Variants in PCDHGA1 observed in about 807,000 individuals in gnomAD.
PCDHGA1 encodes protocadherin gamma subfamily A, 1.
A neutral mutation model predicts 58.0 loss-of-function variants in PCDHGA1; 32 were observed. The observed-to-expected ratio is 0.55, with a 90% CI of 0.42 to 0.74. The LOEUF is 0.74. Among genes scored for constraint, PCDHGA1 ranks in the 30% least tolerant of loss-of-function variants. The probability of loss-of-function intolerance (pLI) is 0.00; values close to 1 mark genes in which losing one functional copy is unlikely to be tolerated. For synonymous variants in PCDHGA1, 498 were observed against 501.1 expected, an observed-to-expected ratio of 0.99 and a Z score of 0.08; for missense variants, 1,205 against 1,182.3, an observed-to-expected ratio of 1.02 and a Z score of -0.28.
intron 1 of PCDHGA1, among the ~76,000 whole-genome samples, chr5:141,435,357 T>C (rs749223776): frequency 6.6e-6 from 1 of 152,208 alleles, no homozygotes; most frequent in Non-Finnish European, 1.5e-5. Flanking sequence ...CATTTAAAAT[T>C]TTATCACTTA....
intron 1 of PCDHGA1, chr5:141,428,099 C>T: frequency 6.8e-6 from 11 of 1,608,710 alleles, no homozygotes; most frequent in East Asian, 2.2e-5. Context: ...TGTCCTACCA[C>T]GTGCTGCAGG....
chr5:141,437,307 G>A (rs1172152732), intron 1 of PCDHGA1, among the ~76,000 whole-genome samples: 7 of 152,120 alleles, frequency 4.6e-5, no homozygotes, highest in South Asian at 2.1e-4. Context: ...AAGTTAAAGC[G>A]TTCAGCTATA....
chr5:141,410,579 G>A (rs760249748), intron 1 of PCDHGA1: 17 of 1,610,792 alleles, frequency 1.1e-5, no homozygotes, highest in Non-Finnish European at 1.4e-5. Context: ...TCCACCTCAT[G>A]GTGGGGAGGA....
intron 1 of PCDHGA1, among the ~76,000 whole-genome samples, chr5:141,464,747 G>A (rs969116049): frequency 2.0e-5 from 3 of 151,812 alleles, no homozygotes; most frequent in Admixed American, 2.0e-4. Context: ...ATATCTTTTT[G>A]TTTTTTTAGA....
chr5:141,433,208 C>CA, intron 1 of PCDHGA1: 1 of 1,293,080 alleles, frequency 7.7e-7, no homozygotes, highest in Non-Finnish European at 1.1e-6. Context: ...AATCTTCTTT[C>CA]TTTTTTTTTT....
At chr5:141,364,712 G>T in intron 1 of PCDHGA1, 1 of 1,613,952 alleles carries the variant, frequency 6.2e-7, no homozygotes, top group Middle Eastern at 1.6e-4. Flanking sequence ...CGATATTAAT[G>T]ATAACTTCCC....
At chr5:141,416,497 T>G (rs1426816820) in intron 1 of PCDHGA1, 3 of 152,116 alleles carry the variant, frequency 2.0e-5, no homozygotes, top group Non-Finnish European at 4.4e-5. Context: ...GAGCAAGAGA[T>G]ATATGACAAA....
At chr5:141,419,452 G>T (rs1590172506) in intron 1 of PCDHGA1, 1 of 1,612,754 alleles carries the variant, frequency 6.2e-7, no homozygotes, top group Non-Finnish European at 8.5e-7. Flanking sequence ...TCGAGCTCAC[G>T]CTGCAGGCCC....
Position 141,372,054 on chromosome 5 carries a change from G to T in PCDHGA1, c.2421+38949G>T, listed in dbSNP as rs377450479. On this transcript the variant is annotated intron_variant, in intron 1 of 3. Transcript: ENST00000517417. ...CGTGAGCCTGCGCGTGTTGGTGGAC[G>T]ACCGCAACGACAATGCACCGCTGGT... The T allele has an allele frequency of 7.4e-6, 12 of 1,613,396 alleles. No individual in the cohort carries two copies. In the African/African-American group the frequency reaches 8.0e-5, roughly 11 times the overall value.
rs755270981 is a variant in PCDHGA1, at chr5:141,408,462, AGAACC to A, written c.2421+75361_2421+75365del. On this transcript the variant is annotated intron_variant, in intron 1 of 3. Coordinates refer to ENST00000517417, the MANE Select transcript of PCDHGA1 (RefSeq NM_018912.3). Reference sequence around the variant, plus strand: ...GCGGAGAGCGGGGACTTACTTGTGAAGAACCGAATAGACCGTGAGCAAATATGCAA... The same window carrying A: ...GCGGAGAGCGGGGACTTACTTGTGAAGAATAGACCGTGAGCAAATATGCAA... 2.2e-5 allele frequency: 35 copies of A among 1,613,962 alleles called. No homozygotes were observed. The South Asian group carries it at 3.3e-4, about 15-fold the overall frequency.
chr5:141,376,590 G>T, intron 1 of PCDHGA1: 3 of 1,570,160 alleles, frequency 1.9e-6, no homozygotes, highest in Non-Finnish European at 1.7e-6. Flanking sequence ...CAGCTAGATC[G>T]GCTGTTATAG....
Position 141,432,632 on chromosome 5 carries a change from G to T in PCDHGA1, c.2422-62175G>T. ...CTTCTCGGTGGGTCTGCACACGGGCGAGGTGCGCACGGCGCGAGCCCTGCT... is the reference window on the plus strand; with the variant it reads ...CTTCTCGGTGGGTCTGCACACGGGCTAGGTGCGCACGGCGCGAGCCCTGCT... On this transcript the variant is annotated intron_variant, in intron 1 of 3. Transcript: ENST00000517417. This position sits in a 1 kb window ranked among gnomAD's most constrained non-coding sequence, Gnocchi z 6.0. The T allele has an allele frequency of 6.2e-7, 1 of 1,612,834 alleles. No homozygotes were observed. Among genetic ancestry groups the T allele is most frequent in the South Asian group, 1.1e-5 (1 of 90,976 alleles).
intron 1 of PCDHGA1, chr5:141,341,715 A>G: frequency 2.0e-6 from 1 of 488,372 alleles, no homozygotes; most frequent in South Asian, 3.7e-5. Flanking sequence ...TCATCCACCC[A>G]GATCAACAAT....
rs767577725 is a variant in PCDHGA1 at position 141,485,642 on chromosome 5, G to T, written c.2422-9165G>T. 4.3e-6 allele frequency: 7 copies of T among 1,612,162 alleles called. No homozygotes were observed. The highest frequency in any genetic ancestry group is 1.7e-5 in the Admixed American group (1 of 59,938). ...AGGACAGCGTTTCCCGTTGGAAAAGGCTCAGGATGCAGATGTGGGGAGCAA... is the reference window on the plus strand; with the variant it reads ...AGGACAGCGTTTCCCGTTGGAAAAGTCTCAGGATGCAGATGTGGGGAGCAA... On this transcript the variant is annotated intron_variant, in intron 1 of 3. Coordinates refer to ENST00000517417, the MANE Select transcript of PCDHGA1 (RefSeq NM_018912.3). This position sits in a 1 kb window ranked among gnomAD's most constrained non-coding sequence, Gnocchi z 5.7.
At chr5:141,393,792 C>A (rs757880855) in intron 1 of PCDHGA1, 1 of 1,613,908 alleles carries the variant, frequency 6.2e-7, no homozygotes, top group Non-Finnish European at 8.5e-7. Flanking sequence ...TGTGGGGGCA[C>A]TTCTGGGGAG....
rs572603287 is a variant in PCDHGA1 at position 141,477,037 on chromosome 5, G to T, written c.2422-17770G>T. 19 of 1,614,266 alleles carry T rather than the reference G, an allele frequency of 1.2e-5. No homozygotes were observed. In the East Asian group the frequency reaches 3.8e-4, roughly 32 times the overall value. Reference sequence around the variant, plus strand: ...TTGTAACCGGGATGCTGACAATCAAGGGTCGGCTGGACTTCGAGGACACCA... The same window carrying T: ...TTGTAACCGGGATGCTGACAATCAATGGTCGGCTGGACTTCGAGGACACCA... On this transcript the variant is annotated intron_variant, in intron 1 of 3. Transcript: ENST00000517417. The surrounding 1 kb of genome is among the most constrained non-coding windows in gnomAD (Gnocchi z 4.9).
At chr5:141,374,646 G>C in intron 1 of PCDHGA1, 4 of 1,612,728 alleles carry the variant, frequency 2.5e-6, no homozygotes, top group Non-Finnish European at 3.4e-6. Flanking sequence ...GAAGCCCATG[G>C]GCCCAAGTAC....
intron 1 of PCDHGA1, chr5:141,378,751 G>C (rs72790019): frequency 1.3e-5 from 2 of 152,014 alleles, no homozygotes; most frequent in African/African-American, 4.8e-5. Context: ...AAGAAAAAAG[G>C]GATTATCATT....
chr5:141,358,047 A>G (rs532644383), intron 1 of PCDHGA1, among the ~76,000 whole-genome samples: 1 of 152,202 alleles, frequency 6.6e-6, no homozygotes, highest in Admixed American at 6.5e-5. Flanking sequence ...AAAGTTAGCT[A>G]GGCGTGGTGG....
Sources: allele counts gnomAD v4.1 joint callset (sites outside exome capture counted in the v4.1 genomes callset), GRCh38; gene constraint gnomAD v4.1.1; non-coding constraint Gnocchi (gnomAD v3.1); transcripts MANE v1.5; gene names NCBI Gene and HGNC (gene_info 2026-07-23, HGNC 2026-07-21).